The following PRPH variants were observed in gnomAD, a reference collection of about 807,000 sequenced individuals.
The protein encoded by PRPH is neurofilament 4 (57kD).
Under a neutral mutation model 52.6 loss-of-function variants are expected in PRPH, and 48 were observed. The ratio of observed to expected loss-of-function variants is 0.91; its 90% CI spans 0.72 to 1.16. PRPH has a LOEUF of 1.16. Among genes scored for constraint, PRPH ranks in the 50% most tolerant of loss-of-function variants. The pLI is 0.00. For missense variants in PRPH, 579 were observed against 635.7 expected (o/e 0.91, Z 0.96); for synonymous variants, 279 against 283.8 (o/e 0.98, Z 0.17).
intron 1 of PRPH, 103 bp downstream of exon 1, chr12:49,295,848 A>G (rs1205562232): frequency 9.0e-6 from 13 of 1,438,610 alleles, no homozygotes; most frequent in Non-Finnish European, 1.2e-5. Context: ...TCAGCAGCCC[A>G]AGGGTGTGGC....
At position 49,295,694 on chromosome 12, in the gene PRPH, T is replaced by C. The variant is rs748642294; in HGVS notation, c.494T>C (p.Val165Ala). The change falls in exon 1 of 9, where the codon GTG becomes GCG. Residue 165 changes from valine (V) to alanine (A), a missense_variant. By Grantham distance (64) the Val-to-Ala change is moderately conservative. Transcript: ENST00000257860. ...CTGTTGGGCCGCGAGCGTGACCGGG[T>C]GCAGGTGGAGCGCGACGGGCTGGCG... Reference protein sequence around the residue: ...LELLGRERDRVQVERDGLAED... With the variant: ...LELLGRERDRAQVERDGLAED... 1.3e-6 allele frequency: 2 copies of C among 1,531,420 alleles called. No individual in the cohort carries two copies. Among genetic ancestry groups the C allele is most frequent in the South Asian group, 1.2e-5 (1 of 82,896 alleles). 94.9% of individuals were successfully genotyped at this position (1,531,420 alleles called of 1,614,324 possible).
chr12:49,295,771 C>A, intron 1 of PRPH, 26 bp downstream of exon 1: 1 of 1,456,566 alleles, frequency 6.9e-7, no homozygotes, highest in Non-Finnish European at 9.0e-7. Context: ...TGGGCCGCTG[C>A]CGTCGAGGCG....
In PRPH at chr12:49,295,206, C is replaced by T; in HGVS notation, c.6C>T (p.Ser2=). 6.2e-7 allele frequency: 1 copy of T among 1,611,230 alleles called. No homozygotes were observed. The highest frequency in any genetic ancestry group is 1.7e-5 in the Admixed American group (1 of 59,962). M[S]HHPSGLRAGF... ...ACTGCCCATCCTTGGCCGCAATGAG[C>T]CACCACCCGTCGGGCCTCCGGGCCG... Residue 2 remains serine, a synonymous_variant, in exon 1 of 9, where the codon AGC becomes AGT. Transcript: ENST00000257860.
rs1284577593 is a variant in PRPH at position 49,297,609 on chromosome 12, C to A, written c.1217+32C>A. 1 of 258,844 alleles carries A rather than the reference C, an allele frequency of 3.9e-6. No homozygotes were observed. Among genetic ancestry groups the A allele is most frequent in the Admixed American group, 4.1e-5 (1 of 24,306 alleles). 16.0% of individuals were successfully genotyped at this position (258,844 alleles called of 1,614,324 possible). A position where few individuals can be genotyped will look rare whatever the true frequency, so the allele number is the denominator to read the frequency against. On this transcript the variant is annotated intron_variant, in intron 6 of 8. Coordinates refer to ENST00000257860, the MANE Select transcript of PRPH (RefSeq NM_006262.4). The surrounding 1 kb of genome is among the most constrained non-coding windows in gnomAD (Gnocchi z 4.4). ...GTGGAGCTGCTGGGGCGGGGCAGGG[C>A]GGGGTCGGGACTGGGCCGGGCAGGG... is the stretch of plus-strand genomic sequence containing the variant.
Position 49,297,485 on chromosome 12 carries a change from C to A in PRPH, c.1125C>A (p.His375Gln). Reference protein sequence around the residue: ...LRQLKEEMARHLREYQELLNV... With the variant: ...LRQLKEEMARQLREYQELLNV... The stretch of plus-strand genomic sequence containing the variant: ...AGCTAAAAGAGGAGATGGCGCGGCA[C>A]CTGAGGGAGTACCAGGAGCTCCTCA... Residue 375 changes from histidine to glutamine, a missense_variant, in exon 6 of 9, where the codon CAC (histidine) becomes CAA (glutamine). Transcript: ENST00000257860. The surrounding 1 kb of genome is among the most constrained non-coding windows in gnomAD (Gnocchi z 4.4). The A allele has an allele frequency of 6.2e-7, 1 of 1,612,714 alleles. No individual in the cohort carries two copies. Among genetic ancestry groups the A allele is most frequent in the Non-Finnish European group, 8.5e-7 (1 of 1,179,948 alleles).
At position 49,297,926 on chromosome 12, in the gene PRPH, C is replaced by T. The variant is rs1279178235; in HGVS notation, c.1268-32C>T. ...CTAAGAGGAGAGATTCCCACGCCTTCCCCCTTGAACCCTTTATCCTGCTTT... is the reference window on the plus strand; with the variant it reads ...CTAAGAGGAGAGATTCCCACGCCTTTCCCCTTGAACCCTTTATCCTGCTTT... On this transcript the variant is annotated intron_variant, in intron 7 of 8. Transcript: ENST00000257860. This position sits in a 1 kb window ranked among gnomAD's most constrained non-coding sequence, Gnocchi z 4.4. 2 of 1,612,050 alleles carry T rather than the reference C, an allele frequency of 1.2e-6. No individual in the cohort carries two copies. The highest frequency in any genetic ancestry group is 1.7e-6 in the Non-Finnish European group (2 of 1,178,112).
rs756599531 is a variant in PRPH at position 49,295,526 on chromosome 12, C to T, written c.326C>T (p.Ala109Val). 35 of 1,598,866 alleles carry T rather than the reference C, an allele frequency of 2.2e-5. No homozygotes were observed. Among genetic ancestry groups the T allele is most frequent in the Admixed American group, 1.9e-4 (11 of 57,934 alleles). ...QELQELNDRF[A>V]NFIEKVRFLE... is the part of the protein sequence containing the mutation. ...CTGCAGGAGCTCAACGACCGCTTCG[C>T]CAACTTCATCGAGAAGGTACGCTTT... The change falls in exon 1 of 9, where the codon GCC (alanine) becomes GTC (valine). Residue 109 changes from alanine to valine, a missense_variant. Coordinates refer to ENST00000257860, the MANE Select transcript of PRPH (RefSeq NM_006262.4).
Position 49,295,389 on chromosome 12 carries a change from C to T in PRPH, c.189C>T (p.Pro63=), listed in dbSNP as rs776897396. The change falls in exon 1 of 9, where the codon CCC becomes CCT. Residue 63 remains proline, a synonymous_variant. Transcript: ENST00000257860. The part of the protein sequence containing the change: ...SSVRLGSFRS[P]RAGAGALLRL... ...TGCGCCTGGGCAGCTTCCGTAGCCCCCGAGCGGGAGCGGGCGCCCTCCTGC... is the reference window on the plus strand; with the variant it reads ...TGCGCCTGGGCAGCTTCCGTAGCCCTCGAGCGGGAGCGGGCGCCCTCCTGC... The T allele has an allele frequency of 6.2e-7, 1 of 1,606,938 alleles. No homozygotes were observed. Among genetic ancestry groups the T allele is most frequent in the Non-Finnish European group, 8.5e-7 (1 of 1,177,610 alleles).
rs757012126 is a variant in PRPH, at chr12:49,296,209, G to A, written c.577G>A (p.Ala193Thr). ...GGAGGAGACGCGCAAGCGGGAGGAC[G>A]CGGAGCACAACCTCGTGCTCTTCCG... ...LEEETRKRED[A>T]EHNLVLFRKD... Residue 193 changes from alanine (A) to threonine (T), a missense_variant, in exon 2 of 9, where the codon GCG becomes ACG. Physicochemically the swap from Ala to Thr is moderately conservative, Grantham distance 58. Transcript: ENST00000257860. The surrounding 1 kb of genome is among the most constrained non-coding windows in gnomAD (Gnocchi z 5.1). The A allele has an allele frequency of 6.2e-7, 1 of 1,613,110 alleles. No homozygotes were observed. Among genetic ancestry groups the A allele is most frequent in the South Asian group, 1.1e-5 (1 of 91,010 alleles).
In PRPH at chr12:49,295,322, C is replaced by T. The variant is rs1943159634; in HGVS notation, c.122C>T (p.Ser41Phe). The T allele has an allele frequency of 3.1e-6, 5 of 1,611,324 alleles. No homozygotes were observed. The highest frequency in any genetic ancestry group is 1.7e-5 in the Admixed American group (1 of 59,932). The change falls in exon 1 of 9, where the codon TCC becomes TTC. Residue 41 changes from serine to phenylalanine, a missense_variant. Physicochemically the swap from Ser to Phe is radical, Grantham distance 155. Transcript: ENST00000257860. ...AFSYSSSSRF[S>F]SSRLLGSASP... is the part of the protein sequence containing the mutation. ...TCCTACTCGTCCAGCTCCCGCTTCT[C>T]CAGCAGCCGCCTGCTGGGCTCCGCG...
At position 49,298,511 on chromosome 12, in the gene PRPH, C is replaced by T. The variant is rs1019953479; in HGVS notation, c.*158C>T. On this transcript the variant is annotated 3_prime_UTR_variant, in exon 9 of 9. Coordinates refer to ENST00000257860, the MANE Select transcript of PRPH (RefSeq NM_006262.4). ...GGCCAAGCCCTACCCGGCCAGCAGT[C>T]GCTGGGCCTCTCCCTGCCCTGACAC... is the stretch of plus-strand genomic sequence containing the variant. 8.3e-6 allele frequency: 6 copies of T among 724,430 alleles called. No homozygotes were observed. The highest frequency in any genetic ancestry group is 7.0e-5 in the African/African-American group (4 of 57,250). 44.9% of individuals were successfully genotyped at this position (724,430 alleles called of 1,614,324 possible).
Position 49,297,123 on chromosome 12 carries a change from A to G in PRPH, c.871-25A>G, listed in dbSNP as rs780671174. 6.2e-7 allele frequency: 1 copy of G among 1,613,920 alleles called. No homozygotes were observed. The highest frequency in any genetic ancestry group is 8.5e-7 in the Non-Finnish European group (1 of 1,179,954). On this transcript the variant is annotated intron_variant, in intron 4 of 8. Coordinates refer to ENST00000257860, the MANE Select transcript of PRPH (RefSeq NM_006262.4). This position sits in a 1 kb window ranked among gnomAD's most constrained non-coding sequence, Gnocchi z 4.4. ...GGTGTCGCGCGTCCCAGCCGACTAA[A>G]GCCTGGGTTACCCCCACTTCTCAGT...
In PRPH at chr12:49,297,162, C is replaced by G. The variant is rs1297000484; in HGVS notation, c.885C>G (p.Ser295=). 6.2e-7 allele frequency: 1 copy of G among 1,613,990 alleles called. No individual in the cohort carries two copies. Among genetic ancestry groups the G allele is most frequent in the East Asian group, 2.2e-5 (1 of 44,872 alleles). ...EWYKSKYADL[S]DAANRNHEAL... Reference sequence around the variant, plus strand: ...CCACTTCTCAGTACGCGGACCTGTCCGACGCTGCCAACCGGAACCACGAGG... The same window carrying G: ...CCACTTCTCAGTACGCGGACCTGTCGGACGCTGCCAACCGGAACCACGAGG... Residue 295 remains serine, a synonymous_variant, in exon 5 of 9, where the codon TCC becomes TCG. Coordinates refer to ENST00000257860, the MANE Select transcript of PRPH (RefSeq NM_006262.4). The surrounding 1 kb of genome is among the most constrained non-coding windows in gnomAD (Gnocchi z 4.4).
chr12:49,297,772 C>T lies in PRPH; in HGVS notation c.1267+46C>T, dbSNP rs773905847. The T allele has an allele frequency of 6.2e-7, 1 of 1,612,644 alleles. No homozygotes were observed. Among genetic ancestry groups the T allele is most frequent in the Admixed American group, 1.7e-5 (1 of 60,020 alleles). The stretch of plus-strand genomic sequence containing the variant: ...GTACCTCTCCTTGTCCACTTCTGCC[C>T]TCCTCGGGCTCTTGCTCTGGCTCAC... On this transcript the variant is annotated intron_variant, in intron 7 of 8. Coordinates refer to ENST00000257860, the MANE Select transcript of PRPH (RefSeq NM_006262.4). This position sits in a 1 kb window ranked among gnomAD's most constrained non-coding sequence, Gnocchi z 4.4.
rs1241500550 is a variant in PRPH, at chr12:49,295,315, C to G, written c.115C>G (p.Arg39Gly). 6.2e-7 allele frequency: 1 copy of G among 1,611,526 alleles called. No homozygotes were observed. The change falls in exon 1 of 9, where the codon CGC becomes GGC. Residue 39 changes from arginine to glycine, a missense_variant. Arg to Gly is a moderately radical substitution (Grantham distance 125). Coordinates refer to ENST00000257860, the MANE Select transcript of PRPH (RefSeq NM_006262.4). ...GGCCTTCTCCTACTCGTCCAGCTCC[C>G]GCTTCTCCAGCAGCCGCCTGCTGGG... ...PGAFSYSSSS[R>G]FSSSRLLGSA...
chr12:49,295,578 C>T lies in PRPH; in HGVS notation c.378C>T (p.Arg126=), dbSNP rs770964240. The change falls in exon 1 of 9, where the codon CGC becomes CGT. Residue 126 remains arginine, a synonymous_variant. Transcript: ENST00000257860. ...RFLEQQNAAL[R]GELSQARGQE... is the part of the protein sequence containing the mutation. ...TGGAGCAGCAGAACGCGGCCCTGCG[C>T]GGGGAGCTGAGCCAAGCCCGGGGCC... The T allele has an allele frequency of 1.5e-5, 24 of 1,561,694 alleles. No homozygotes were observed. Among genetic ancestry groups the T allele is most frequent in the Non-Finnish European group, 2.0e-5 (23 of 1,153,436 alleles).
chr12:49,295,443 C>A lies in PRPH; in HGVS notation c.243C>A (p.Ser81=). 6.2e-7 allele frequency: 1 copy of A among 1,607,002 alleles called. No homozygotes were observed. Residue 81 remains serine, a synonymous_variant, in exon 1 of 9, where the codon TCC becomes TCA. Coordinates refer to ENST00000257860, the MANE Select transcript of PRPH (RefSeq NM_006262.4). ...TGCCCTCGGAGCGCCTCGACTTCTC[C>A]ATGGCCGAGGCCCTCAACCAGGAGT... ...LRLPSERLDF[S]MAEALNQEFL...
rs769460007 is a variant in PRPH, at chr12:49,295,363, G to A, written c.163G>A (p.Val55Met). Residue 55 changes from valine (V) to methionine (M), a missense_variant, in exon 1 of 9, where the codon GTG (valine) becomes ATG (methionine). Val to Met is a conservative substitution (Grantham distance 21). Coordinates refer to ENST00000257860, the MANE Select transcript of PRPH (RefSeq NM_006262.4). The part of the protein sequence containing the change: ...LLGSASPSSS[V>M]RLGSFRSPRA... ...GGGCTCCGCGTCCCCGAGCTCCTCG[G>A]TGCGCCTGGGCAGCTTCCGTAGCCC... The A allele has an allele frequency of 1.2e-6, 2 of 1,609,660 alleles. No individual in the cohort carries two copies. Among genetic ancestry groups the A allele is most frequent in the Non-Finnish European group, 8.5e-7 (1 of 1,178,934 alleles).
In PRPH at chr12:49,296,606, TC is replaced by T; in HGVS notation, c.702+80del. On this transcript the variant is annotated intron_variant, in intron 3 of 8. Coordinates refer to ENST00000257860, the MANE Select transcript of PRPH (RefSeq NM_006262.4). The surrounding 1 kb of genome is among the most constrained non-coding windows in gnomAD (Gnocchi z 5.1). ...GGAGCTGGCGGGTGGAGCGGAGGCA[TC>T]GCCCTGGGGATCAGGACGATGCTGG... The T allele has an allele frequency of 7.3e-7, 1 of 1,368,294 alleles. No individual in the cohort carries two copies. Among genetic ancestry groups the T allele is most frequent in the Non-Finnish European group, 1.0e-6 (1 of 971,092 alleles). The allele number at this position is 1,368,294 out of a possible 1,614,324, so 84.8% of individuals were successfully genotyped here. A position where few individuals can be genotyped will look rare whatever the true frequency, so the allele number is the denominator to read the frequency against.
Sources: gnomAD v4.1 joint callset for allele counts on GRCh38, gnomAD v4.1.1 for gene constraint, Gnocchi (gnomAD v3.1) non-coding constraint, MANE v1.5 for transcripts, NCBI Gene and HGNC (gene_info 2026-07-23, HGNC 2026-07-21) for gene names.